KCNIP4: variants seen among roughly 807,000 people sequenced by gnomAD.
KCNIP4 encodes the protein Kv channel-interacting protein 4.
KCNIP4 carries 12 observed loss-of-function variants against 34.0 expected under a neutral mutation model. That is an observed-to-expected ratio of 0.35 (90% CI 0.23 to 0.57). KCNIP4 has a LOEUF of 0.57. KCNIP4 is among the 20% of genes least tolerant of loss of function. The pLI is 0.83. For synonymous variants in KCNIP4, 124 were observed against 102.2 expected, an observed-to-expected ratio of 1.21 and a Z score of -1.29; for missense variants, 238 against 311.7, an observed-to-expected ratio of 0.76 and a Z score of 1.78.
chr4:21,561,621 G>A (rs1177026807), intron 1 of KCNIP4, among the ~76,000 whole-genome samples: 1 of 151,654 alleles, frequency 6.6e-6, no homozygotes, highest in East Asian at 1.9e-4. Context: ...GGAGTGGACC[G>A]GTTTTATGCA....
intron 1 of KCNIP4, among the ~76,000 whole-genome samples, chr4:21,782,476 T>C (rs1719631627): frequency 6.6e-6 from 1 of 152,166 alleles, no homozygotes; most frequent in Admixed American, 6.5e-5. Flanking sequence ...GGAGGATCAC[T>C]TGAGCCCAGG....
chr4:21,353,984 G>A (rs527762355), intron 1 of KCNIP4, among the ~76,000 whole-genome samples: 1 of 152,206 alleles, frequency 6.6e-6, no homozygotes, highest in African/African-American at 2.4e-5. Context: ...AGATAGTGGG[G>A]GCCAATATTC....
chr4:21,452,642 G>A (rs769000599), intron 1 of KCNIP4, among the ~76,000 whole-genome samples: 2 of 151,800 alleles, frequency 1.3e-5, no homozygotes, highest in Non-Finnish European at 2.9e-5. Context: ...CTACTACCAT[G>A]ACACCCATGG....
intron 1 of KCNIP4, among the ~76,000 whole-genome samples, chr4:20,890,743 G>T (rs1725833751): frequency 6.6e-6 from 1 of 151,962 alleles, no homozygotes; most frequent in Non-Finnish European, 1.5e-5. Flanking sequence ...AAAAGTAAGT[G>T]TGTAAATATA....
chr4:21,699,151 T>C (rs1008217611), intron 1 of KCNIP4, among the ~76,000 whole-genome samples: 1 of 152,234 alleles, frequency 6.6e-6, no homozygotes, highest in Non-Finnish European at 1.5e-5. Flanking sequence ...GTTTAATTAG[T>C]TGAACACCCC....
At chr4:21,253,132 G>A (rs886659970) in intron 1 of KCNIP4, among the ~76,000 whole-genome samples, 6 of 152,126 alleles carry the variant, frequency 3.9e-5, no homozygotes, top group East Asian at 3.9e-4. Flanking sequence ...TAGGTCTGAC[G>A]CTGAATGTGC....
intron 1 of KCNIP4, among the ~76,000 whole-genome samples, chr4:21,266,466 T>A (rs6817417): frequency 0.18 from 27,773 of 152,148 alleles, 3,303 homozygotes; most frequent in African/African-American, 0.32. Flanking sequence ...AGTTACCTGT[T>A]AACAGAAAGG....
At chr4:21,126,621 AAAAAAAAAAAAG>A (rs1171528854) in intron 1 of KCNIP4, among the ~76,000 whole-genome samples, 1 of 135,406 alleles carries the variant, frequency 7.4e-6, no homozygotes, top group African/African-American at 2.7e-5. Flanking sequence ...AAATAGCAAA[AAAAAAAAAAAAG>A]AAAAGAAAAA....
intron 1 of KCNIP4, among the ~76,000 whole-genome samples, chr4:21,222,253 C>T (rs1758031941): frequency 7.5e-6 from 1 of 133,964 alleles, no homozygotes; most frequent in Non-Finnish European, 1.7e-5. Context: ...CTCGCACTTT[C>T]TGCCATGAGA....
At chr4:21,529,457 G>T (rs1736488158) in intron 1 of KCNIP4, among the ~76,000 whole-genome samples, 1 of 152,150 alleles carries the variant, frequency 6.6e-6, no homozygotes, top group Admixed American at 6.5e-5. Flanking sequence ...CTACAGCTGA[G>T]ATAATTCAGT....
intron 1 of KCNIP4, among the ~76,000 whole-genome samples, chr4:21,636,858 G>C (rs1267844314): frequency 6.6e-6 from 1 of 152,170 alleles, no homozygotes; most frequent in Non-Finnish European, 1.5e-5. Context: ...CAATTCGACA[G>C]AATTGTGAAT....
At position 20,890,740 on chromosome 4, in the gene KCNIP4, AGT is replaced by A. The variant is rs562142694; in HGVS notation, c.62-8033_62-8032del. On this transcript the variant is annotated intron_variant, in intron 1 of 8. Coordinates refer to ENST00000382152, the MANE Select transcript of KCNIP4 (RefSeq NM_025221.6). The stretch of plus-strand genomic sequence containing the variant: ...TAATACAAAAAGATAATAAAAAGTA[AGT>A]GTGTAAATATATAGGCCATTCTAAC... 6.2e-4 allele frequency among the ~76,000 whole-genome samples: 94 copies of A among 152,318 alleles called. No individual in the cohort carries two copies. The East Asian group carries it at 0.018, about 29-fold the overall frequency.
chr4:21,575,966 G>A (rs1177561523), intron 1 of KCNIP4, among the ~76,000 whole-genome samples: 1 of 152,122 alleles, frequency 6.6e-6, no homozygotes, highest in East Asian at 1.9e-4. Flanking sequence ...GGTCCCCTAA[G>A]TCATCACTTG....
rs1428947498 is a variant in KCNIP4, at chr4:21,582,076, TGG to T, written c.61+366493_61+366494del. 60 of 151,732 alleles carry T rather than the reference TGG, an allele frequency of 4.0e-4. 1 individual carries two copies. Among genetic ancestry groups the T allele is most frequent in the East Asian group, 2.9e-3 (15 of 5,160 alleles). 9.4% of individuals were successfully genotyped at this position (151,732 alleles called of 1,614,324 possible). A position where few individuals can be genotyped will look rare whatever the true frequency, so the allele number is the denominator to read the frequency against. On this transcript the variant is annotated intron_variant, in intron 1 of 8. Coordinates refer to ENST00000382152, the MANE Select transcript of KCNIP4 (RefSeq NM_025221.6). ...TGGAATGGAATGGAATGGAATGGAATGGAATGGAATGGGATGGGATATTGTCA... is the reference window on the plus strand; with the variant it reads ...TGGAATGGAATGGAATGGAATGGAATAATGGAATGGGATGGGATATTGTCA...
chr4:21,501,683 A>G (rs1733352478), intron 1 of KCNIP4, among the ~76,000 whole-genome samples: 1 of 50,180 alleles, frequency 2.0e-5, no homozygotes, highest in East Asian at 3.4e-4. Flanking sequence ...GGGAATGCAG[A>G]AGCCTTGTGT....
At position 21,008,584 on chromosome 4, in the gene KCNIP4, T is replaced by C. The variant is rs374272707; in HGVS notation, c.62-125875A>G. On this transcript the variant is annotated intron_variant, in intron 1 of 8. Coordinates refer to ENST00000382152, the MANE Select transcript of KCNIP4 (RefSeq NM_025221.6). Reference sequence around the variant, plus strand: ...TGTCGCCCAGGTTGGAGTGCAGTGGTGCGATCTCGGCTCACTGCAAGCTCC... The same window carrying C: ...TGTCGCCCAGGTTGGAGTGCAGTGGCGCGATCTCGGCTCACTGCAAGCTCC... Among the ~76,000 whole-genome samples the C allele has an allele frequency of 3.7e-3, 568 of 151,976 alleles. 5 individuals are homozygous for C. Among genetic ancestry groups the C allele is most frequent in the African/African-American group, 0.013 (540 of 41,438 alleles).
At chr4:21,129,799 C>A (rs995317219) in intron 1 of KCNIP4, among the ~76,000 whole-genome samples, 1 of 151,596 alleles carries the variant, frequency 6.6e-6, no homozygotes, top group Non-Finnish European at 1.5e-5. Context: ...GCTAAGTTTG[C>A]TATTTAAAAT....
intron 1 of KCNIP4, among the ~76,000 whole-genome samples, chr4:21,424,386 C>T (rs1486917704): frequency 1.3e-5 from 2 of 151,676 alleles, no homozygotes; most frequent in African/African-American, 2.4e-5. Context: ...GCCTGACCAA[C>T]ATGGTGAAAC....
intron 5 of KCNIP4, among the ~76,000 whole-genome samples, chr4:20,737,775 T>C (rs1750001073): frequency 6.6e-6 from 1 of 152,222 alleles, no homozygotes; most frequent in African/African-American, 2.4e-5. Context: ...AAATTATTTA[T>C]GACATAGAAT....
Sources: gnomAD v4.1 joint callset for allele counts (sites outside exome capture counted in the v4.1 genomes callset) on GRCh38, gnomAD v4.1.1 for gene constraint, MANE v1.5 for transcripts, NCBI Gene and HGNC (gene_info 2026-07-23, HGNC 2026-07-21) for gene names.